MARVELD3: variants seen among roughly 807,000 people sequenced by gnomAD.
MARVELD3 encodes the protein MARVEL domain-containing protein 3.
MARVELD3 carries 28 observed loss-of-function variants against 33.5 expected under a neutral mutation model. The ratio of observed to expected loss-of-function variants is 0.84; its 90% CI spans 0.62 to 1.15. The LOEUF is 1.15. MARVELD3 is among the 50% of genes most tolerant of loss of function. MARVELD3 has a pLI of 0.00. For synonymous variants in MARVELD3, 241 were observed against 230.4 expected, an observed-to-expected ratio of 1.05 and a Z score of -0.42; for missense variants, 582 against 547.6, an observed-to-expected ratio of 1.06 and a Z score of -0.63.
chr16:71,640,920 G>C (rs781437368), downstream of MARVELD3: 1 of 1,614,130 alleles, frequency 6.2e-7, no homozygotes, highest in Non-Finnish European at 8.5e-7. Context: ...CGCCAGCGTG[G>C]TGCTGGCCCT....
chr16:71,641,273 C>T (rs951219396), downstream of MARVELD3: 1 of 464,904 alleles, frequency 2.2e-6, no homozygotes, highest in Non-Finnish European at 3.8e-6. Flanking sequence ...GCTCACATAG[C>T]GAAACCCTGT....
chr16:71,640,937 C>G (rs2044614243), downstream of MARVELD3: 2 of 1,614,112 alleles, frequency 1.2e-6, no homozygotes, highest in Non-Finnish European at 1.7e-6. Flanking sequence ...CCCTGCGTAG[C>G]TACCGAGAAC....
intron 2 of MARVELD3, 40 bp downstream of exon 2, chr16:71,629,534 T>A: frequency 6.5e-7 from 1 of 1,532,902 alleles, no homozygotes; most frequent in Non-Finnish European, 8.7e-7. Context: ...TTACTGTCAC[T>A]GGTGGTTCTG....
chr16:71,640,490 CGGCGGT>C, downstream of MARVELD3: 1 of 1,614,102 alleles, frequency 6.2e-7, no homozygotes, highest in Non-Finnish European at 8.5e-7. Context: ...GCTTTTCCAG[CGGCGGT>C]GGCTTTGGGA....
Position 71,636,270 on chromosome 16 carries a change from C to A in MARVELD3, c.*1467C>A. On this transcript the variant is annotated 3_prime_UTR_variant, in exon 3 of 3. Transcript: ENST00000268485. ...TCTCTTAAATACAGACAATTTTTCA[C>A]ATTTAAAAGGTGAGTTCCATTTGAG... is the stretch of plus-strand genomic sequence containing the variant. 1 of 572,598 alleles carries A rather than the reference C, an allele frequency of 1.7e-6. No homozygotes were observed. Among genetic ancestry groups the A allele is most frequent in the Non-Finnish European group, 2.2e-6 (1 of 452,238 alleles). The allele number at this position is 572,598 out of a possible 1,614,324, so 35.5% of individuals were successfully genotyped here. A position where few individuals can be genotyped will look rare whatever the true frequency, so the allele number is the denominator to read the frequency against.
chr16:71,629,176 G>A, intron 1 of MARVELD3, 191 bp from the exon 2 acceptor site: 1 of 569,488 alleles, frequency 1.8e-6, no homozygotes, highest in Non-Finnish European at 2.9e-6. Context: ...GTGGTTAGTG[G>A]AGCTGGGCCA....
At position 71,629,407 on chromosome 16, in the gene MARVELD3, C is replaced by T. The variant is rs1360898131; in HGVS notation, c.508C>T (p.Pro170Ser). The change falls in exon 2 of 3, where the codon CCT becomes TCT. Residue 170 changes from proline (P) to serine (S), a missense_variant. Coordinates refer to ENST00000268485, the MANE Select transcript of MARVELD3 (RefSeq NM_052858.6). ...SERYLPSTPR[P>S]GREEVEYYQS... The stretch of plus-strand genomic sequence containing the variant: ...GAGATATCTGCCCTCGACCCCCAGG[C>T]CTGGACGAGAGGAGGTGGAATATTA... 1.3e-6 allele frequency: 2 copies of T among 1,575,912 alleles called. No homozygotes were observed. Among genetic ancestry groups the T allele is most frequent in the African/African-American group, 1.4e-5 (1 of 72,274 alleles).
At chr16:71,636,900 G>A (rs1567606453), downstream of MARVELD3, among the ~76,000 whole-genome samples, 1 of 152,078 alleles carries the variant, frequency 6.6e-6, no homozygotes, top group Non-Finnish European at 1.5e-5. Context: ...CCAGAAAGAC[G>A]TTATTTACAA....
intron 1 of MARVELD3, among the ~76,000 whole-genome samples, chr16:71,628,319 G>A (rs2044495093): frequency 6.6e-6 from 1 of 152,164 alleles, no homozygotes; most frequent in South Asian, 2.1e-4. Context: ...CAGATCATTG[G>A]AGGTAAGGAG....
rs760691331 is a variant in MARVELD3, at chr16:71,629,445, G to A, written c.546G>A (p.Ala182=). The A allele has an allele frequency of 1.5e-5, 24 of 1,579,528 alleles. No homozygotes were observed. The highest frequency in any genetic ancestry group is 5.5e-5 in the African/African-American group (4 of 72,604). Reference sequence around the variant, plus strand: ...AGGTGGAATATTACCAGTCAGAGGCGGAAGGACTCCTGGAATGCCACAAAT... The same window carrying A: ...AGGTGGAATATTACCAGTCAGAGGCAGAAGGACTCCTGGAATGCCACAAAT... The part of the protein sequence containing the change: ...REEVEYYQSE[A]EGLLECHKCK... The change falls in exon 2 of 3, where the codon GCG becomes GCA. Residue 182 remains alanine (A), a synonymous_variant. Coordinates refer to ENST00000268485, the MANE Select transcript of MARVELD3 (RefSeq NM_052858.6).
downstream of MARVELD3, chr16:71,640,596 T>C (rs751959892): frequency 4.3e-6 from 7 of 1,614,178 alleles, no homozygotes; most frequent in Non-Finnish European, 5.1e-6. Flanking sequence ...GCCCCTGATA[T>C]ACGGTGGCGT....
At chr16:71,636,906 T>C (rs1284772979), downstream of MARVELD3, among the ~76,000 whole-genome samples, 1 of 152,158 alleles carries the variant, frequency 6.6e-6, no homozygotes, top group Non-Finnish European at 1.5e-5. Flanking sequence ...AGACGTTATT[T>C]ACAACAAAGA....
chr16:71,640,921 T>C, downstream of MARVELD3: 1 of 1,614,082 alleles, frequency 6.2e-7, no homozygotes, highest in Non-Finnish European at 8.5e-7. Flanking sequence ...GCCAGCGTGG[T>C]GCTGGCCCTG....
rs189422581 is a variant in MARVELD3, at chr16:71,629,048, G to A, written c.468-319G>A. 4 of 274,240 alleles carry A rather than the reference G, an allele frequency of 1.5e-5. No homozygotes were observed. In the East Asian group the frequency reaches 3.1e-4, roughly 21 times the overall value. The allele number at this position is 274,240 out of a possible 1,614,324, so 17.0% of individuals were successfully genotyped here. A position where few individuals can be genotyped will look rare whatever the true frequency, so the allele number is the denominator to read the frequency against. ...GTGAATGCAAACTGGTTTTGAAGAG[G>A]CCTGGTGCATGCTGAACTGAGAACT... is the stretch of plus-strand genomic sequence containing the variant. On this transcript the variant is annotated intron_variant, in intron 1 of 2. Transcript: ENST00000268485.
intron 2 of MARVELD3, among the ~76,000 whole-genome samples, chr16:71,633,456 C>T (rs371842790): frequency 1.1e-4 from 16 of 152,180 alleles, no homozygotes; most frequent in East Asian, 3.9e-4. Flanking sequence ...TGCAGTGGCG[C>T]GATCTCAGTT....
At chr16:71,638,579 T>G (rs537881507), downstream of MARVELD3, 1 of 152,326 alleles carries the variant, frequency 6.6e-6, no homozygotes, top group African/African-American at 2.4e-5. Flanking sequence ...TGAGTGAAAT[T>G]TCTCAGTTTA....
At chr16:71,629,274 T>C in intron 1 of MARVELD3, 93 bp from the exon 2 acceptor site, 1 of 1,340,456 alleles carries the variant, frequency 7.5e-7, no homozygotes, top group Non-Finnish European at 1.0e-6. Context: ...GTTCTGCTAA[T>C]ATTTGGGCCC....
rs1567605696 is a variant in MARVELD3 at position 71,634,618 on chromosome 16, C to T, written c.1021C>T (p.Gln341Ter). Residue 341 changes from glutamine to a stop codon, truncating the protein, a stop_gained, in exon 3 of 3, where the codon CAG becomes TAG. Transcript: ENST00000268485. LOFTEE classifies it high-confidence loss of function. ...AYGSPVCKER[Q>*]ALYQSKGYSG... ...TGGCTCTCCTGTGTGTAAAGAGAGG[C>T]AGGCGCTGTACCAAAGCAAAGGCTA... 6.8e-6 allele frequency: 11 copies of T among 1,614,184 alleles called. No homozygotes were observed. The highest frequency in any genetic ancestry group is 9.3e-6 in the Non-Finnish European group (11 of 1,180,048).
downstream of MARVELD3, chr16:71,640,562 C>G (rs1427106252): frequency 1.2e-6 from 2 of 1,614,204 alleles, no homozygotes; most frequent in Non-Finnish European, 1.7e-6. Flanking sequence ...GGCAGCTGGA[C>G]CAGCAGTACA....
Sources: gnomAD v4.1 joint callset for allele counts (sites outside exome capture counted in the v4.1 genomes callset) on GRCh38, gnomAD v4.1.1 for gene constraint, MANE v1.5 for transcripts, NCBI Gene and HGNC (gene_info 2026-07-23, HGNC 2026-07-21) for gene names.